Variants in EPHB1 observed in about 807,000 individuals in gnomAD.
The protein encoded by EPHB1 is ephrin type-B receptor 1.
In EPHB1, 30 loss-of-function variants were observed where a neutral mutation model predicts 94.4. The observed-to-expected ratio is 0.32, with a 90% CI of 0.24 to 0.43. The LOEUF (loss-of-function observed/expected upper bound fraction) is 0.43, where lower values mean the gene tolerates loss of function less well. EPHB1 is among the 20% of genes least tolerant of loss of function. The pLI is 1.00. For synonymous variants in EPHB1, 522 were observed against 489.1 expected, an observed-to-expected ratio of 1.07 and a Z score of -0.89; for missense variants, 1,055 against 1,308.3, an observed-to-expected ratio of 0.81 and a Z score of 2.99.
At chr3:135,126,646 G>A (rs1321361151) in intron 4 of EPHB1, among the ~76,000 whole-genome samples, 1 of 152,188 alleles carries the variant, frequency 6.6e-6, no homozygotes, top group Non-Finnish European at 1.5e-5. Flanking sequence ...GCAGATTGGG[G>A]CAGGCAGACT....
At chr3:134,914,815 G>C (rs2038531289) in intron 1 of EPHB1, among the ~76,000 whole-genome samples, 1 of 152,106 alleles carries the variant, frequency 6.6e-6, no homozygotes, top group Admixed American at 6.5e-5. Context: ...ACATGGGGAG[G>C]GAGCCATCTT....
In EPHB1 at chr3:135,001,124, G is replaced by A. The variant is rs73864220; in HGVS notation, c.805+49072G>A. ...TGAGTGCTGATCCTCCTTGGGGCAGGGTGTTCTTGCAACTTTGAAGACTCA... is the reference window on the plus strand; with the variant it reads ...TGAGTGCTGATCCTCCTTGGGGCAGAGTGTTCTTGCAACTTTGAAGACTCA... On this transcript the variant is annotated intron_variant, in intron 3 of 15. Transcript: ENST00000398015. Among the ~76,000 whole-genome samples the A allele has an allele frequency of 5.2e-3, 784 of 152,170 alleles. 5 individuals carry two copies. The highest frequency in any genetic ancestry group is 0.018 in the African/African-American group (754 of 41,494).
In EPHB1 at chr3:134,993,706, C is replaced by T. The variant is rs564332005; in HGVS notation, c.805+41654C>T. ...TCTCAGCCCAGTTGATTATGAGCCT[C>T]CTTTTTGGAAAAGATTTCAGTGGCT... is the stretch of plus-strand genomic sequence containing the variant. On this transcript the variant is annotated intron_variant, in intron 3 of 15. Coordinates refer to ENST00000398015, the MANE Select transcript of EPHB1 (RefSeq NM_004441.5). 1.2e-4 allele frequency among the ~76,000 whole-genome samples: 19 copies of T among 152,304 alleles called. No individual in the cohort carries two copies. The South Asian group carries it at 3.7e-3, about 30-fold the overall frequency.
chr3:135,118,468 G>C (rs1339406445), intron 4 of EPHB1, among the ~76,000 whole-genome samples: 1 of 152,190 alleles, frequency 6.6e-6, no homozygotes, highest in African/African-American at 2.4e-5. Flanking sequence ...TGAAGGATTT[G>C]AGGCCCAGAA....
intron 15 of EPHB1, among the ~76,000 whole-genome samples, chr3:135,257,134 G>A (rs1200561898): frequency 6.6e-6 from 1 of 150,690 alleles, no homozygotes; most frequent in Non-Finnish European, 1.5e-5. Context: ...TTTTTTCAAA[G>A]GTTTCAACTT....
chr3:134,981,426 T>G (rs1464796454), intron 3 of EPHB1, among the ~76,000 whole-genome samples: 1 of 152,224 alleles, frequency 6.6e-6, no homozygotes, highest in Non-Finnish European at 1.5e-5. Context: ...CTAGAGGGTC[T>G]TGGATTGGCA....
chr3:135,167,027 C>T (rs560550922), intron 9 of EPHB1, 21 bp downstream of exon 9: 50 of 1,613,292 alleles, frequency 3.1e-5, no homozygotes, highest in Non-Finnish European at 3.6e-5. Context: ...AGCAGAGACC[C>T]GGTGTCTGAC....
chr3:135,197,477 T>A (rs1942654352), intron 11 of EPHB1, among the ~76,000 whole-genome samples: 2 of 152,226 alleles, frequency 1.3e-5, no homozygotes, highest in Admixed American at 1.3e-4. Context: ...ATTTTCCAAT[T>A]TATAAACTAA....
rs1235753561 is a variant in EPHB1, at chr3:134,882,752, TTCTTC to T, written c.59-43063_59-43059del. On this transcript the variant is annotated intron_variant, in intron 1 of 15. Coordinates refer to ENST00000398015, the MANE Select transcript of EPHB1 (RefSeq NM_004441.5). ...TTTCCTTCTTTCCTTCTTTCTTCCT[TTCTTC>T]CTTCCTTCCTTTCTTTCTTTCTTTC... Among the ~76,000 whole-genome samples, 294 of 65,588 alleles carry T rather than the reference TTCTTC, an allele frequency of 4.5e-3. 4 individuals carry two copies. Among genetic ancestry groups the T allele is most frequent in the African/African-American group, 0.019 (268 of 14,036 alleles). The allele number at this position is 65,588 out of a possible 152,430, so 43.0% of individuals were successfully genotyped here.
intron 12 of EPHB1, among the ~76,000 whole-genome samples, chr3:135,229,803 C>A (rs988310890): frequency 1.3e-5 from 2 of 152,168 alleles, no homozygotes; most frequent in African/African-American, 4.8e-5. Flanking sequence ...TATTGCCTGC[C>A]GTAGCAAGTG....
At chr3:134,868,657 T>C (rs911107735) in intron 1 of EPHB1, among the ~76,000 whole-genome samples, 5 of 152,302 alleles carry the variant, frequency 3.3e-5, no homozygotes, top group Admixed American at 6.5e-5. Context: ...GTTCAGTAGA[T>C]ATTTATTGAG....
At chr3:135,141,247 G>A (rs966215988) in intron 5 of EPHB1, among the ~76,000 whole-genome samples, 5 of 150,370 alleles carry the variant, frequency 3.3e-5, no homozygotes, top group African/African-American at 9.8e-5. Flanking sequence ...CCCTAAGAGC[G>A]CATCTGCCCT....
chr3:135,050,391 A>C (rs919004317), intron 3 of EPHB1, among the ~76,000 whole-genome samples: 1 of 152,192 alleles, frequency 6.6e-6, no homozygotes, highest in Non-Finnish European at 1.5e-5. Context: ...AAATAAACTT[A>C]TATGTTTAAA....
At chr3:135,181,340 G>T (rs1286435540) in intron 10 of EPHB1, among the ~76,000 whole-genome samples, 1 of 152,144 alleles carries the variant, frequency 6.6e-6, no homozygotes. Context: ...ATTTCCCATT[G>T]ACTTTTACAT....
chr3:135,163,121 A>G (rs764317921), intron 7 of EPHB1, among the ~76,000 whole-genome samples: 3 of 152,208 alleles, frequency 2.0e-5, no homozygotes, highest in Non-Finnish European at 4.4e-5. Context: ...TTTTAGGCCA[A>G]TGCTCTCAGT....
At chr3:134,874,279 C>A (rs978638661) in intron 1 of EPHB1, among the ~76,000 whole-genome samples, 8 of 152,108 alleles carry the variant, frequency 5.3e-5, no homozygotes, top group African/African-American at 1.9e-4. Context: ...GAAAGCCGAA[C>A]ACCGCATGTT....
chr3:135,032,357 TA>T (rs1442378116), intron 3 of EPHB1, among the ~76,000 whole-genome samples: 20 of 148,640 alleles, frequency 1.3e-4, no homozygotes, highest in African/African-American at 4.9e-4. Flanking sequence ...TATTAGCTTT[TA>T]TTTTTATTTC....
chr3:134,847,981 C>A (rs1211190068), intron 1 of EPHB1, among the ~76,000 whole-genome samples: 1 of 152,142 alleles, frequency 6.6e-6, no homozygotes, highest in African/African-American at 2.4e-5. Context: ...AATTAACGAA[C>A]CTTTGCATTT....
intron 9 of EPHB1, among the ~76,000 whole-genome samples, chr3:135,174,398 C>T (rs776453253): frequency 9.2e-5 from 14 of 152,132 alleles, no homozygotes; most frequent in African/African-American, 1.9e-4. Flanking sequence ...CAGTGCAATA[C>T]GATGTGCACT....
Sources: allele counts gnomAD v4.1 joint callset (sites outside exome capture counted in the v4.1 genomes callset), GRCh38; gene constraint gnomAD v4.1.1; transcripts MANE v1.5; gene names NCBI Gene and HGNC (gene_info 2026-07-23, HGNC 2026-07-21).